MACROD2: variants seen among roughly 807,000 people sequenced by gnomAD.
MACROD2 encodes the protein mono-ADP ribosylhydrolase 2, also known as ADP-ribose glycohydrolase MACROD2.
In MACROD2, 36 loss-of-function variants were observed where a neutral mutation model predicts 70.4. That is an observed-to-expected ratio of 0.51 (90% CI 0.39 to 0.68). The LOEUF is 0.68. MACROD2 is among the 30% of genes least tolerant of loss of function. The probability of loss-of-function intolerance (pLI) is 0.00; values close to 1 mark genes in which losing one functional copy is unlikely to be tolerated. For missense variants in MACROD2, 496 were observed against 538.4 expected (o/e 0.92, Z 0.78); for synonymous variants, 172 against 178.8 (o/e 0.96, Z 0.30).
intron 8 of MACROD2, among the ~76,000 whole-genome samples, chr20:15,513,558 C>T (rs2047527862): frequency 6.6e-6 from 1 of 152,090 alleles, no homozygotes; most frequent in Non-Finnish European, 1.5e-5. Context: ...GTACCAGAGG[C>T]TCTGCGTGTG....
intron 4 of MACROD2, among the ~76,000 whole-genome samples, chr20:14,644,553 A>C (rs1216542043): frequency 6.6e-6 from 1 of 151,932 alleles, no homozygotes; most frequent in Admixed American, 6.6e-5. Context: ...TATTAAGTCC[A>C]TATCATTGCA....
chr20:15,893,886 G>A (rs2064928024), intron 10 of MACROD2: 1 of 456,706 alleles, frequency 2.2e-6, no homozygotes, highest in Admixed American at 2.3e-5. Context: ...AGCAGGAGCA[G>A]CTGAAAGGAG....
chr20:14,605,140 T>C (rs1445834903), intron 4 of MACROD2, among the ~76,000 whole-genome samples: 1 of 152,186 alleles, frequency 6.6e-6, no homozygotes, highest in African/African-American at 2.4e-5. Context: ...TAAAGGGATA[T>C]ATTAGTTTCC....
intron 8 of MACROD2, among the ~76,000 whole-genome samples, chr20:15,527,537 C>T (rs116579346): frequency 0.012 from 1,782 of 152,270 alleles, 40 homozygotes; most frequent in African/African-American, 0.041. Flanking sequence ...CACCGCTCCC[C>T]AGATTCCTGA....
At chr20:15,234,983 C>A (rs2077001202) in intron 6 of MACROD2, among the ~76,000 whole-genome samples, 1 of 152,052 alleles carries the variant, frequency 6.6e-6, no homozygotes. Context: ...ACATCATGTT[C>A]ATTTTTAAAA....
chr20:15,421,898 T>G (rs1204949886), intron 6 of MACROD2, among the ~76,000 whole-genome samples: 1 of 152,130 alleles, frequency 6.6e-6, no homozygotes, highest in Admixed American at 6.5e-5. Context: ...TAGAGAGTAA[T>G]TTAGCTGGAG....
chr20:15,588,678 G>C (rs2048636676), intron 8 of MACROD2, among the ~76,000 whole-genome samples: 1 of 152,130 alleles, frequency 6.6e-6, no homozygotes, highest in Non-Finnish European at 1.5e-5. Flanking sequence ...TAGGGCAAGG[G>C]CAAAATACCT....
At chr20:14,566,399 A>G (rs564466862) in intron 4 of MACROD2, among the ~76,000 whole-genome samples, 4 of 152,034 alleles carry the variant, frequency 2.6e-5, no homozygotes, top group African/African-American at 7.2e-5. Flanking sequence ...TAAATAGCCA[A>G]TGCACTCCAG....
chr20:14,752,803 T>G (rs1480345099), intron 5 of MACROD2, among the ~76,000 whole-genome samples: 1 of 152,000 alleles, frequency 6.6e-6, no homozygotes, highest in African/African-American at 2.4e-5. Context: ...ATTTGGAATA[T>G]GAGGCCAGGA....
chr20:14,532,010 G>T (rs2085311512), intron 4 of MACROD2, among the ~76,000 whole-genome samples: 1 of 151,970 alleles, frequency 6.6e-6, no homozygotes, highest in South Asian at 2.1e-4. Context: ...AATGAGTTTT[G>T]TTTTTTTCTT....
intron 4 of MACROD2, among the ~76,000 whole-genome samples, chr20:14,554,997 G>A (rs778934521): frequency 2.7e-5 from 4 of 148,958 alleles, no homozygotes; most frequent in African/African-American, 9.9e-5. Context: ...GGGTAGGGAT[G>A]GTTAGTGGTA....
intron 10 of MACROD2, among the ~76,000 whole-genome samples, chr20:15,888,263 T>G (rs1452055262): frequency 2.0e-5 from 3 of 152,210 alleles, no homozygotes; most frequent in Non-Finnish European, 4.4e-5. Context: ...GTAGAATGTC[T>G]TATTGTTAAA....
intron 8 of MACROD2, among the ~76,000 whole-genome samples, chr20:15,854,234 G>T (rs1040613791): frequency 1.3e-5 from 2 of 152,048 alleles, no homozygotes; most frequent in African/African-American, 4.8e-5. Context: ...TAGAAGGAAC[G>T]TAGAGGTGGG....
intron 15 of MACROD2, among the ~76,000 whole-genome samples, chr20:16,037,831 A>G (rs1003953986): frequency 6.6e-6 from 1 of 151,782 alleles, no homozygotes; most frequent in African/African-American, 2.4e-5. Flanking sequence ...CCTCTCCCTT[A>G]GCATGTTTTG....
intron 4 of MACROD2, among the ~76,000 whole-genome samples, chr20:14,600,380 T>C (rs1220215525): frequency 2.1e-5 from 3 of 140,290 alleles, no homozygotes; most frequent in Non-Finnish European, 4.5e-5. Flanking sequence ...ATATATACTA[T>C]ATATACACAT....
intron 10 of MACROD2, among the ~76,000 whole-genome samples, chr20:15,927,821 T>C (rs564647083): frequency 3.5e-4 from 53 of 152,294 alleles, no homozygotes; most frequent in African/African-American, 1.2e-3. Flanking sequence ...GGAACTAACA[T>C]TCCCTCCCTC....
intron 8 of MACROD2, among the ~76,000 whole-genome samples, chr20:15,716,294 G>T (rs1268459500): frequency 6.6e-6 from 1 of 152,128 alleles, no homozygotes; most frequent in African/African-American, 2.4e-5. Context: ...TCCTACGAAT[G>T]GTTTTATTCT....
intron 8 of MACROD2, among the ~76,000 whole-genome samples, chr20:15,549,901 G>A (rs926072355): frequency 6.6e-6 from 1 of 151,398 alleles, no homozygotes; most frequent in Non-Finnish European, 1.5e-5. Flanking sequence ...TTAAGTTTGC[G>A]ACATTGCTGC....
intron 8 of MACROD2, among the ~76,000 whole-genome samples, chr20:15,835,719 A>G (rs962057518): frequency 2.0e-5 from 3 of 152,200 alleles, no homozygotes; most frequent in African/African-American, 7.2e-5. Context: ...AGCTTAGAGC[A>G]GTTAATTTGT....
Sources: allele counts gnomAD v4.1 joint callset (sites outside exome capture counted in the v4.1 genomes callset), GRCh38; gene constraint gnomAD v4.1.1; transcripts MANE v1.5; gene names NCBI Gene and HGNC (gene_info 2026-07-23, HGNC 2026-07-21).